The following EXO5 variants were observed in gnomAD, a reference collection of about 807,000 sequenced individuals.
EXO5 encodes exonuclease 5.
Under a neutral mutation model 17.8 loss-of-function variants are expected in EXO5, and 11 were observed. The ratio of observed to expected loss-of-function variants is 0.62; its 90% CI spans 0.39 to 1.02. The LOEUF (loss-of-function observed/expected upper bound fraction) is 1.02, where lower values mean the gene tolerates loss of function less well. EXO5 is among the 50% of genes least tolerant of loss of function. EXO5 has a pLI of 0.00. For missense variants in EXO5, 364 were observed against 434.8 expected (o/e 0.84, Z 1.45); for synonymous variants, 147 against 166.5 (o/e 0.88, Z 0.90).
chr1:40,515,212 A>G lies in EXO5; in HGVS notation c.668A>G (p.Tyr223Cys). The G allele has an allele frequency of 6.2e-7, 1 of 1,614,030 alleles. No individual in the cohort carries two copies. Among genetic ancestry groups the G allele is most frequent in the Non-Finnish European group, 8.5e-7 (1 of 1,179,984 alleles). Residue 223 changes from tyrosine (Y) to cysteine (C), a missense_variant, in exon 4 of 4, where the codon TAT becomes TGT. Transcript: ENST00000415550. ...KDCFQVSLYK[Y>C]IFDAMVQGKV... Reference sequence around the variant, plus strand: ...TGTTTTCAAGTCAGCCTATACAAATATATCTTTGATGCCATGGTACAAGGA... The same window carrying G: ...TGTTTTCAAGTCAGCCTATACAAATGTATCTTTGATGCCATGGTACAAGGA...
chr1:40,514,694 C>G lies in EXO5; in HGVS notation c.150C>G (p.Ser50=). Residue 50 remains serine (S), a synonymous_variant, in exon 4 of 4, where the codon TCC becomes TCG. Coordinates refer to ENST00000415550, the MANE Select transcript of EXO5 (RefSeq NM_001346953.2). ...LVNMPGPSSE[S]LGKDDKPISL... ...ACATGCCTGGCCCATCTTCTGAATC[C>G]CTTGGGAAGGATGACAAACCCATAA... 20 of 1,614,104 alleles carry G rather than the reference C, an allele frequency of 1.2e-5. No homozygotes were observed. The highest frequency in any genetic ancestry group is 1.7e-5 in the Non-Finnish European group (20 of 1,180,026).
chr1:40,515,778 T>C lies in EXO5; in HGVS notation c.*112T>C, dbSNP rs1645881440. 1 of 1,159,358 alleles carries C rather than the reference T, an allele frequency of 8.6e-7. No homozygotes were observed. The highest frequency in any genetic ancestry group is 1.6e-5 in the African/African-American group (1 of 64,222). 71.8% of individuals were successfully genotyped at this position (1,159,358 alleles called of 1,614,324 possible). A position where few individuals can be genotyped will look rare whatever the true frequency, so the allele number is the denominator to read the frequency against. On this transcript the variant is annotated 3_prime_UTR_variant, in exon 4 of 4. Coordinates refer to ENST00000415550, the MANE Select transcript of EXO5 (RefSeq NM_001346953.2). ...ATGGAGAGTGTTCTTATTTTGGTTCTTTTTTTTATTTCCACAACCTCTAAC... is the reference window on the plus strand; with the variant it reads ...ATGGAGAGTGTTCTTATTTTGGTTCCTTTTTTTATTTCCACAACCTCTAAC...
At position 40,515,085 on chromosome 1, in the gene EXO5, A is replaced by G. The variant is rs143807396; in HGVS notation, c.541A>G (p.Ile181Val). The G allele has an allele frequency of 7.8e-5, 126 of 1,614,090 alleles. 1 individual carries two copies. The African/African-American group carries it at 1.5e-3, about 20-fold the overall frequency. ...EGEGVLLVGV[I>V]DELHYTAKGE... The stretch of plus-strand genomic sequence containing the variant: ...GGAGGGTGTACTTCTTGTTGGAGTG[A>G]TTGATGAGCTGCACTATACAGCCAA... The change falls in exon 4 of 4, where the codon ATT (isoleucine) becomes GTT (valine). Residue 181 changes from isoleucine (I) to valine (V), a missense_variant. Ile to Val is a conservative substitution (Grantham distance 29). Coordinates refer to ENST00000415550, the MANE Select transcript of EXO5 (RefSeq NM_001346953.2).
In EXO5 at chr1:40,509,588, G is replaced by C. The variant is rs4607875; in HGVS notation, c.-126G>C. 72,196 of 152,014 alleles carry C rather than the reference G, an allele frequency of 0.47. 18,528 individuals are homozygous for C. Among genetic ancestry groups the C allele is most frequent in the African/African-American group, 0.65 (26,901 of 41,402 alleles). The allele number at this position is 152,014 out of a possible 1,614,324, so 9.4% of individuals were successfully genotyped here. On this transcript the variant is annotated 5_prime_UTR_variant, in exon 2 of 4. An upstream start codon of the reference 5' UTR is lost. Coordinates refer to ENST00000415550, the MANE Select transcript of EXO5 (RefSeq NM_001346953.2). ...GGGTAACAGTCTGTGCAGTGTCAAT[G>C]TGAGAGGAGAAAACACCCAACGTGA...
At chr1:40,509,135 G>T (rs1490306260) in intron 1 of EXO5, 1 of 152,258 alleles carries the variant, frequency 6.6e-6, no homozygotes, top group Non-Finnish European at 1.5e-5. Context: ...CTTATTCCTG[G>T]CTCTGCCAGA....
chr1:40,515,302 C>G lies in EXO5; in HGVS notation c.758C>G (p.Ser253Ter). 1 of 1,614,126 alleles carries G rather than the reference C, an allele frequency of 6.2e-7. No homozygotes were observed. Among genetic ancestry groups the G allele is most frequent in the African/African-American group, 1.3e-5 (1 of 75,004 alleles). The change falls in exon 4 of 4, where the codon TCA becomes TGA. Residue 253 changes from serine (S) to a stop codon, truncating the protein, a stop_gained. Coordinates refer to ENST00000415550, the MANE Select transcript of EXO5 (RefSeq NM_001346953.2). LOFTEE classifies it high-confidence loss of function. Reference protein sequence around the residue: ...KLCLEKPLGPSVLRHAQQGGF... With the variant: ...KLCLEKPLGP The stretch of plus-strand genomic sequence containing the variant: ...TGTCTAGAAAAGCCACTGGGGCCAT[C>G]AGTGCTGAGGCATGCCCAGCAGGGA...
At chr1:40,509,243 C>G (rs1645725567) in intron 1 of EXO5, 1 of 152,452 alleles carries the variant, frequency 6.6e-6, no homozygotes, top group African/African-American at 2.4e-5. Flanking sequence ...AAGGCAAACG[C>G]CCGCGGAGCC....
In EXO5 at chr1:40,514,942, C is replaced by G; in HGVS notation, c.398C>G (p.Thr133Ser). The G allele has an allele frequency of 6.2e-6, 10 of 1,614,170 alleles. No homozygotes were observed. The highest frequency in any genetic ancestry group is 8.5e-6 in the Non-Finnish European group (10 of 1,180,024). Reference sequence around the variant, plus strand: ...GAACTAGAACTTCATGATCTTGTGACTGTCCCAGTCACCACTAAAGAAGAT... The same window carrying G: ...GAACTAGAACTTCATGATCTTGTGAGTGTCCCAGTCACCACTAAAGAAGAT... The part of the protein sequence containing the change: ...ARELELHDLV[T>S]VPVTTKEDAW... The change falls in exon 4 of 4, where the codon ACT becomes AGT. Residue 133 changes from threonine to serine, a missense_variant. Physicochemically the swap from Thr to Ser is moderately conservative, Grantham distance 58. Transcript: ENST00000415550.
Position 40,515,697 on chromosome 1 carries a change from C to A in EXO5, c.*31C>A. 6.3e-7 allele frequency: 1 copy of A among 1,581,706 alleles called. No homozygotes were observed. Among genetic ancestry groups the A allele is most frequent in the South Asian group, 1.2e-5 (1 of 86,756 alleles). The stretch of plus-strand genomic sequence containing the variant: ...AGGTATGCTTTCAAGAATGTTGATC[C>A]TTCCTGCTCCTGTTGTACCTAAGCA... On this transcript the variant is annotated 3_prime_UTR_variant, in exon 4 of 4. Coordinates refer to ENST00000415550, the MANE Select transcript of EXO5 (RefSeq NM_001346953.2).
chr1:40,510,414 G>T lies in EXO5; in HGVS notation c.-31+624G>T, dbSNP rs1395658509. ...TCTGGATTCTTTTCTGCGTAGGAAA[G>T]TCCCAGACACATCTGAGCATCAGTC... is the stretch of plus-strand genomic sequence containing the variant. On this transcript the variant is annotated intron_variant, in intron 3 of 3. Transcript: ENST00000415550. Among the ~76,000 whole-genome samples the T allele has an allele frequency of 2.0e-5, 3 of 152,174 alleles. 1 individual carries two copies. In the South Asian group the frequency reaches 6.2e-4, roughly 31 times the overall value.
At chr1:40,511,127 C>T (rs982355009) in intron 3 of EXO5, among the ~76,000 whole-genome samples, 4 of 152,000 alleles carry the variant, frequency 2.6e-5, no homozygotes, top group Admixed American at 6.6e-5. Context: ...CCCAGCTACT[C>T]GGGAGGCTGA....
rs774647599 is a variant in EXO5 at position 40,514,761 on chromosome 1, A to G, written c.217A>G (p.Met73Val). The G allele has an allele frequency of 2.5e-6, 4 of 1,614,196 alleles. No homozygotes were observed. The highest frequency in any genetic ancestry group is 3.4e-6 in the Non-Finnish European group (4 of 1,180,018). The stretch of plus-strand genomic sequence containing the variant: ...AAGAGGATTGGATATATTATCACCC[A>G]TGGAGAGATTCCACCTTAAATATTT... ...WKRGLDILSP[M>V]ERFHLKYLYV... The change falls in exon 4 of 4, where the codon ATG becomes GTG. Residue 73 changes from methionine (M) to valine (V), a missense_variant. Transcript: ENST00000415550.
Position 40,509,432 on chromosome 1 carries a change from C to T in EXO5, c.-263-19C>T, listed in dbSNP as rs7523852. ...AGCTCCTTGGGGATCTTGGTTATGT[C>T]TGACCCTTTTACTTTCAGGGAGCAG... is the stretch of plus-strand genomic sequence containing the variant. On this transcript the variant is annotated intron_variant, in intron 1 of 3. Transcript: ENST00000415550. The T allele has an allele frequency of 1, 152,226 of 152,414 alleles. 76,020 individuals are homozygous for T. The highest frequency in any genetic ancestry group is 1 in the Middle Eastern group (296 of 296). 9.4% of individuals were successfully genotyped at this position (152,414 alleles called of 1,614,324 possible).
Position 40,515,248 on chromosome 1 carries a change from C to T in EXO5, c.704C>T (p.Pro235Leu), listed in dbSNP as rs775213635. ...GCCATGGTACAAGGAAAAGTGACCC[C>T]TGCTAGCCTAATCCACCACACAAAG... is the stretch of plus-strand genomic sequence containing the variant. ...FDAMVQGKVT[P>L]ASLIHHTKLC... Residue 235 changes from proline (P) to leucine (L), a missense_variant, in exon 4 of 4, where the codon CCT (proline) becomes CTT (leucine). Transcript: ENST00000415550. The T allele has an allele frequency of 6.8e-6, 11 of 1,613,936 alleles. No individual in the cohort carries two copies. The highest frequency in any genetic ancestry group is 2.5e-6 in the Non-Finnish European group (3 of 1,180,014).
intron 3 of EXO5, among the ~76,000 whole-genome samples, chr1:40,511,104 G>A (rs537297089): frequency 5.1e-4 from 77 of 152,218 alleles, no homozygotes; most frequent in African/African-American, 1.8e-3. Flanking sequence ...GCGCGGTGGC[G>A]GGTGCCTGTA....
chr1:40,512,960 G>A (rs1645807970), intron 3 of EXO5, among the ~76,000 whole-genome samples: 1 of 152,180 alleles, frequency 6.6e-6, no homozygotes, highest in South Asian at 2.1e-4. Flanking sequence ...AAGGAGTACA[G>A]TACCCATCCC....
At chr1:40,509,018 G>T (rs746057259) in intron 1 of EXO5, 110 bp downstream of exon 1, 1 of 152,276 alleles carries the variant, frequency 6.6e-6, no homozygotes, top group South Asian at 2.1e-4. Flanking sequence ...CCCGGGAAGC[G>T]GCTCGTCTCG....
intron 3 of EXO5, 86 bp downstream of exon 3, chr1:40,509,876 AAGG>A (rs1231540681): frequency 6.6e-6 from 1 of 152,238 alleles, no homozygotes; most frequent in Non-Finnish European, 1.5e-5. Flanking sequence ...GGGGAAAAAG[AAGG>A]AGATCTATCT....
chr1:40,511,086 T>G (rs1645768495), intron 3 of EXO5, among the ~76,000 whole-genome samples: 1 of 151,862 alleles, frequency 6.6e-6, no homozygotes, highest in Non-Finnish European at 1.5e-5. Flanking sequence ...AATACAAAAA[T>G]TAGCTGGGCG....
Sources: gnomAD v4.1 joint callset for allele counts (sites outside exome capture counted in the v4.1 genomes callset) on GRCh38, gnomAD v4.1.1 for gene constraint, MANE v1.5 for transcripts, NCBI Gene and HGNC (gene_info 2026-07-23, HGNC 2026-07-21) for gene names.